The following DSCAM variants were observed in gnomAD, a reference collection of about 807,000 sequenced individuals.
DSCAM encodes cell adhesion molecule DSCAM.
A neutral mutation model predicts 217.7 loss-of-function variants in DSCAM; 47 were observed. The ratio of observed to expected loss-of-function variants is 0.22; its 90% CI spans 0.17 to 0.28. DSCAM has a LOEUF of 0.28. DSCAM is among the 10% of genes least tolerant of loss of function. The pLI is 1.00. For missense variants in DSCAM, 2,080 were observed against 2,618.3 expected, an observed-to-expected ratio of 0.79 and a Z score of 4.49; for synonymous variants, 1,056 against 1,015.3, an observed-to-expected ratio of 1.04 and a Z score of -0.76.
At position 40,080,348 on chromosome 21, in the gene DSCAM, G is replaced by T. The variant is rs764007673; in HGVS notation, c.4232-8C>A. 5.1e-6 allele frequency: 8 copies of T among 1,568,918 alleles called. No individual in the cohort carries two copies. In the Admixed American group the frequency reaches 8.9e-5, roughly 17 times the overall value. On this transcript the variant is annotated splice_region_variant and splice_polypyrimidine_tract_variant and intron_variant, in intron 24 of 32. Transcript: ENST00000400454. Reference sequence around the variant, plus strand: ...AGTACTGCAGTATGTATCCTGCAGAGAATGAGAAAGATTCACATGAGCACT... The same window carrying T: ...AGTACTGCAGTATGTATCCTGCAGATAATGAGAAAGATTCACATGAGCACT...
chr21:40,432,990 C>T (rs1004360719), intron 3 of DSCAM, among the ~76,000 whole-genome samples: 10 of 152,156 alleles, frequency 6.6e-5, no homozygotes, highest in Non-Finnish European at 1.0e-4. Flanking sequence ...TAACCATTTT[C>T]TATCTGTTTC....
chr21:40,583,138 C>T (rs1239450964), intron 3 of DSCAM, among the ~76,000 whole-genome samples: 1 of 152,140 alleles, frequency 6.6e-6, no homozygotes, highest in Non-Finnish European at 1.5e-5. Context: ...GTTTAGAAAA[C>T]CAGTACTGAA....
chr21:40,569,275 T>G (rs2076787993), intron 3 of DSCAM, among the ~76,000 whole-genome samples: 2 of 152,248 alleles, frequency 1.3e-5, no homozygotes, highest in South Asian at 4.1e-4. Flanking sequence ...AACAGTTTTA[T>G]GTATCAACTG....
chr21:40,058,163 C>A (rs1242743608), intron 28 of DSCAM, among the ~76,000 whole-genome samples: 1 of 152,078 alleles, frequency 6.6e-6, no homozygotes, highest in African/African-American at 2.4e-5. Context: ...TGAGCCACTG[C>A]GCCTGGCCGG....
intron 1 of DSCAM, among the ~76,000 whole-genome samples, chr21:40,783,687 C>A (rs1390974787): frequency 3.3e-5 from 5 of 152,178 alleles, no homozygotes; most frequent in Non-Finnish European, 7.3e-5. Flanking sequence ...GTGGACAGCA[C>A]CAGTGTGGTG....
chr21:40,820,046 A>G (rs527739997), intron 1 of DSCAM, among the ~76,000 whole-genome samples: 1 of 152,282 alleles, frequency 6.6e-6, no homozygotes, highest in African/African-American at 2.4e-5. Flanking sequence ...GACTAAAAAA[A>G]GCTAGAACTA....
chr21:40,595,253 C>T (rs952894806), intron 3 of DSCAM, among the ~76,000 whole-genome samples: 2 of 152,014 alleles, frequency 1.3e-5, no homozygotes, highest in African/African-American at 4.8e-5. Context: ...TGGTGCACAC[C>T]TGCAGTCCCA....
intron 3 of DSCAM, among the ~76,000 whole-genome samples, chr21:40,393,792 T>A (rs1171679755): frequency 6.6e-6 from 1 of 152,222 alleles, no homozygotes; most frequent in Non-Finnish European, 1.5e-5. Flanking sequence ...ATGAGATTCA[T>A]GTGCTCAATG....
At chr21:40,321,615 T>G (rs1206861343) in intron 8 of DSCAM, among the ~76,000 whole-genome samples, 1 of 150,600 alleles carries the variant, frequency 6.6e-6, no homozygotes, top group Non-Finnish European at 1.5e-5. Context: ...AACTGGTCAT[T>G]CTTTTTTTTT....
intron 2 of DSCAM, among the ~76,000 whole-genome samples, chr21:40,699,669 T>G (rs1196380668): frequency 6.6e-6 from 1 of 152,208 alleles, no homozygotes; most frequent in Non-Finnish European, 1.5e-5. Context: ...AACATTGCCT[T>G]AAGCGAAAGC....
At position 40,396,473 on chromosome 21, in the gene DSCAM, G is replaced by T. The variant is rs533423767; in HGVS notation, c.509-27228C>A. ...TGGAAGTTTCAGCTCAGTAATGGAG[G>T]GTGAGCAGGTGAAGAATATTTCAGA... is the stretch of plus-strand genomic sequence containing the variant. On this transcript the variant is annotated intron_variant, in intron 3 of 32. Transcript: ENST00000400454. 3.3e-5 allele frequency among the ~76,000 whole-genome samples: 5 copies of T among 152,228 alleles called. No individual in the cohort carries two copies. In the East Asian group the frequency reaches 9.6e-4, roughly 29 times the overall value.
intron 11 of DSCAM, among the ~76,000 whole-genome samples, chr21:40,260,439 G>A (rs550991939): frequency 3.7e-4 from 57 of 152,334 alleles, no homozygotes; most frequent in African/African-American, 1.0e-3. Context: ...CTGTAGCATG[G>A]ACACTTGCCA....
At chr21:40,193,361 A>T (rs2090972826) in intron 11 of DSCAM, among the ~76,000 whole-genome samples, 2 of 152,150 alleles carry the variant, frequency 1.3e-5, no homozygotes, top group Non-Finnish European at 2.9e-5. Context: ...CATACGGGAA[A>T]GAGGCTAACT....
At position 40,414,493 on chromosome 21, in the gene DSCAM, A is replaced by C. The variant is rs556335907; in HGVS notation, c.509-45248T>G. On this transcript the variant is annotated intron_variant, in intron 3 of 32. Coordinates refer to ENST00000400454, the MANE Select transcript of DSCAM (RefSeq NM_001389.5). Reference sequence around the variant, plus strand: ...GTACTGTGAAGAACTGAGACAACTAAACTTTTCAACTATTACTTGTGGGAA... The same window carrying C: ...GTACTGTGAAGAACTGAGACAACTACACTTTTCAACTATTACTTGTGGGAA... Among the ~76,000 whole-genome samples the C allele has an allele frequency of 7.2e-5, 11 of 152,344 alleles. 1 individual carries two copies. The highest frequency in any genetic ancestry group is 2.4e-4 in the African/African-American group (10 of 41,580).
intron 5 of DSCAM, among the ~76,000 whole-genome samples, chr21:40,352,800 G>T (rs1479292607): frequency 6.6e-6 from 1 of 152,186 alleles, no homozygotes; most frequent in Admixed American, 6.5e-5. Context: ...AATTGAGGGT[G>T]GTTGAGTAGA....
At chr21:40,588,055 C>T (rs188668854) in intron 3 of DSCAM, among the ~76,000 whole-genome samples, 8 of 152,196 alleles carry the variant, frequency 5.3e-5, no homozygotes, top group Non-Finnish European at 1.0e-4. Context: ...AAAATTGGTA[C>T]AAGGAGAATC....
intron 8 of DSCAM, among the ~76,000 whole-genome samples, chr21:40,334,665 A>G (rs994495407): frequency 1.3e-5 from 2 of 151,894 alleles, no homozygotes; most frequent in South Asian, 2.1e-4. Flanking sequence ...GGGTCTCACT[A>G]TGTTGCCCAG....
At chr21:40,378,557 T>A (rs918325803) in intron 3 of DSCAM, among the ~76,000 whole-genome samples, 1 of 1,318 alleles carries the variant, frequency 7.6e-4, no homozygotes, top group African/African-American at 2.6e-3. Context: ...AAAACTTATT[T>A]TTTTTTTTTT....
chr21:40,212,873 G>C (rs1464072326), intron 11 of DSCAM, among the ~76,000 whole-genome samples: 2 of 152,176 alleles, frequency 1.3e-5, no homozygotes, highest in Non-Finnish European at 2.9e-5. Context: ...AAAAGGAGAA[G>C]GCACAGAGAC....
Sources: allele counts gnomAD v4.1 joint callset (sites outside exome capture counted in the v4.1 genomes callset), GRCh38; gene constraint gnomAD v4.1.1; transcripts MANE v1.5; gene names NCBI Gene and HGNC (gene_info 2026-07-23, HGNC 2026-07-21).